UGT2A3: variants seen among roughly 807,000 people sequenced by gnomAD.
The protein encoded by UGT2A3 is UDP-glucuronosyltransferase 2A3.
UGT2A3 carries 55 observed loss-of-function variants against 44.1 expected under a neutral mutation model. The observed-to-expected ratio is 1.25, with a 90% CI of 1.00 to 1.56. The LOEUF (loss-of-function observed/expected upper bound fraction) is 1.56, where lower values mean the gene tolerates loss of function less well. UGT2A3 is among the 40% of genes most tolerant of loss of function. UGT2A3 has a pLI of 0.00. For missense variants in UGT2A3, 733 were observed against 621.6 expected (o/e 1.18, Z -1.91); for synonymous variants, 243 against 215.1 (o/e 1.13, Z -1.13).
At chr4:68,937,778 T>C (rs1020252857) in intron 2 of UGT2A3, among the ~76,000 whole-genome samples, 16 of 152,054 alleles carry the variant, frequency 1.1e-4, no homozygotes, top group African/African-American at 3.9e-4. Context: ...CAGGAGCTGG[T>C]TGTTTGAAAA....
At chr4:68,948,168 T>C (rs978202999) in intron 1 of UGT2A3, among the ~76,000 whole-genome samples, 17 of 151,854 alleles carry the variant, frequency 1.1e-4, no homozygotes, top group African/African-American at 3.9e-4. Flanking sequence ...ATTTGTTTAC[T>C]GTAGCCACAT....
rs766368471 is a variant in UGT2A3 at position 68,929,898 on chromosome 4, G to T, written c.1499C>A (p.Ala500Glu). 1 of 1,613,034 alleles carries T rather than the reference G, an allele frequency of 6.2e-7. No homozygotes were observed. The highest frequency in any genetic ancestry group is 1.1e-5 in the South Asian group (1 of 90,996). The stretch of plus-strand genomic sequence containing the variant: ...TTTTGTGAACAAGAATATAGCAGTT[G>T]CCACACAGGCCAGCAGGAACCCAAT... ...DVIGFLLACV[A>E]TAIFLFTKCF... The change falls in exon 6 of 6, where the codon GCA becomes GAA. Residue 500 changes from alanine to glutamate, a missense_variant. Coordinates refer to ENST00000251566, the MANE Select transcript of UGT2A3 (RefSeq NM_024743.4).
chr4:68,951,443 T>C lies in UGT2A3; in HGVS notation c.318A>G (p.Ser106=). 2 of 1,612,096 alleles carry C rather than the reference T, an allele frequency of 1.2e-6. No individual in the cohort carries two copies. Among genetic ancestry groups the C allele is most frequent in the Non-Finnish European group, 1.7e-6 (2 of 1,179,126 alleles). Residue 106 remains serine (S), a synonymous_variant, in exon 1 of 6, where the codon TCA becomes TCG. Transcript: ENST00000251566. Reference sequence around the variant, plus strand: ...CAAAAAAATCATTTAATTTTATAACTGATTGCCAGGTTGATAAGCCTGGCA... The same window carrying C: ...CAAAAAAATCATTTAATTTTATAACCGATTGCCAGGTTGATAAGCCTGGCA... ...NVLPGLSTWQ[S]VIKLNDFFVE... is the part of the protein sequence containing the mutation.
intron 4 of UGT2A3, 84 bp from the exon 5 acceptor site, chr4:68,930,849 G>A (rs2109775678): frequency 1.8e-5 from 21 of 1,191,594 alleles, no homozygotes; most frequent in East Asian, 2.6e-5. Context: ...TGGGAATTAC[G>A]AGATAACTCA....
rs891196939 is a variant in UGT2A3, at chr4:68,929,701, T to A, written c.*112A>T. On this transcript the variant is annotated 3_prime_UTR_variant, in exon 6 of 6. Coordinates refer to ENST00000251566, the MANE Select transcript of UGT2A3 (RefSeq NM_024743.4). Reference sequence around the variant, plus strand: ...ATCGTGGAATTCTAGGCTATATAGCTAAGATAAAATAACAGAATAGATAAT... The same window carrying A: ...ATCGTGGAATTCTAGGCTATATAGCAAAGATAAAATAACAGAATAGATAAT... The A allele has an allele frequency of 1.7e-5, 17 of 1,021,480 alleles. No individual in the cohort carries two copies. In the African/African-American group the frequency reaches 2.4e-4, roughly 14 times the overall value. The allele number at this position is 1,021,480 out of a possible 1,614,324, so 63.3% of individuals were successfully genotyped here.
At position 68,931,247 on chromosome 4, in the gene UGT2A3, G is replaced by A. The variant is rs558483840; in HGVS notation, c.997-5C>T. The A allele has an allele frequency of 3.5e-5, 56 of 1,608,686 alleles. No individual in the cohort carries two copies. In the South Asian group the frequency reaches 4.0e-4, roughly 11 times the overall value. Reference sequence around the variant, plus strand: ...TCCTTTGTACCTCCATAACACCTACGGAAGAAACACATGTATTTCACAGAG... The same window carrying A: ...TCCTTTGTACCTCCATAACACCTACAGAAGAAACACATGTATTTCACAGAG... On this transcript the variant is annotated splice_polypyrimidine_tract_variant and splice_region_variant and intron_variant, in intron 3 of 5. Coordinates refer to ENST00000251566, the MANE Select transcript of UGT2A3 (RefSeq NM_024743.4).
chr4:68,951,450 C>T lies in UGT2A3; in HGVS notation c.311G>A (p.Trp104Ter). The T allele has an allele frequency of 6.2e-7, 1 of 1,612,160 alleles. No homozygotes were observed. Among genetic ancestry groups the T allele is most frequent in the Non-Finnish European group, 8.5e-7 (1 of 1,179,132 alleles). Reference protein sequence around the residue: ...ALNVLPGLSTWQSVIKLNDFF... With the variant: ...ALNVLPGLST Reference sequence around the variant, plus strand: ...ATCATTTAATTTTATAACTGATTGCCAGGTTGATAAGCCTGGCAAGACATT... The same window carrying T: ...ATCATTTAATTTTATAACTGATTGCTAGGTTGATAAGCCTGGCAAGACATT... Residue 104 changes from tryptophan to a stop codon, truncating the protein, a stop_gained, in exon 1 of 6, where the codon TGG (tryptophan) becomes TAG (stop). Transcript: ENST00000251566. LOFTEE classifies it high-confidence loss of function.
chr4:68,931,184 T>G lies in UGT2A3; in HGVS notation c.1055A>C (p.Tyr352Ser), dbSNP rs745317989. The change falls in exon 4 of 6, where the codon TAT becomes TCT. Residue 352 changes from tyrosine (Y) to serine (S), a missense_variant. Tyr to Ser is a moderately radical substitution (Grantham distance 144). Coordinates refer to ENST00000251566, the MANE Select transcript of UGT2A3 (RefSeq NM_024743.4). ...PSTLGANTRLYDWIPQNDLLG... is the reference protein window; with the variant it reads ...PSTLGANTRLSDWIPQNDLLG... ...AAGATCATTCTGGGGTATCCAATCA[T>G]ACAGCCGAGTATTGGCTCCTAATGT... is the stretch of plus-strand genomic sequence containing the variant. The G allele has an allele frequency of 6.2e-7, 1 of 1,612,964 alleles. No homozygotes were observed. The highest frequency in any genetic ancestry group is 1.7e-5 in the Admixed American group (1 of 59,868).
At chr4:68,940,802 A>G (rs899976182) in intron 2 of UGT2A3, among the ~76,000 whole-genome samples, 3 of 93,076 alleles carry the variant, frequency 3.2e-5, no homozygotes, top group African/African-American at 9.4e-5. Flanking sequence ...ACACACACAC[A>G]TATATAGCAT....
intron 2 of UGT2A3, among the ~76,000 whole-genome samples, chr4:68,938,583 C>T (rs6811818): frequency 0.49 from 73,981 of 151,852 alleles, 21,351 homozygotes; most frequent in Non-Finnish European, 0.67. Context: ...ATGACAAACC[C>T]ATAGCCAATA....
At chr4:68,944,549 A>T (rs943202376) in intron 2 of UGT2A3, among the ~76,000 whole-genome samples, 1 of 151,826 alleles carries the variant, frequency 6.6e-6, no homozygotes, top group Non-Finnish European at 1.5e-5. Context: ...ATGATTTAGG[A>T]ATATAGTATA....
intron 2 of UGT2A3, among the ~76,000 whole-genome samples, chr4:68,936,408 A>G (rs1184579421): frequency 1.3e-5 from 2 of 152,130 alleles, no homozygotes; most frequent in Non-Finnish European, 2.9e-5. Context: ...GCCAATATTC[A>G]ACATTCTTAA....
intron 3 of UGT2A3, 88 bp downstream of exon 3, chr4:68,932,540 A>C: frequency 2.7e-6 from 4 of 1,484,922 alleles, no homozygotes; most frequent in Non-Finnish European, 3.6e-6. Context: ...CTGTTATGCT[A>C]AGTGGAAAAT....
intron 2 of UGT2A3, among the ~76,000 whole-genome samples, chr4:68,935,665 T>C (rs1254124091): frequency 6.6e-6 from 1 of 151,966 alleles, no homozygotes; most frequent in Non-Finnish European, 1.5e-5. Flanking sequence ...CTCCAAAGGA[T>C]TGCAGCTCCT....
chr4:68,941,624 A>C (rs1389526837), intron 2 of UGT2A3, among the ~76,000 whole-genome samples: 2 of 151,942 alleles, frequency 1.3e-5, no homozygotes, highest in African/African-American at 2.4e-5. Context: ...CAACAAAAGG[A>C]AAAGTAGATA....
At position 68,930,060 on chromosome 4, in the gene UGT2A3, A is replaced by T; in HGVS notation, c.1337T>A (p.Ile446Asn). Residue 446 changes from isoleucine to asparagine, a missense_variant, in exon 6 of 6, where the codon ATT becomes AAT. Ile to Asn is a moderately radical substitution (Grantham distance 149). Coordinates refer to ENST00000251566, the MANE Select transcript of UGT2A3 (RefSeq NM_024743.4). The part of the protein sequence containing the change: ...YKENAMRLSR[I>N]HHDQPVKPLD... ...GGGCTTTACAGGTTGATCATGGTGA[A>T]TTCTTGATAATCTCATAGCATTCTC... The T allele has an allele frequency of 6.2e-7, 1 of 1,612,820 alleles. No homozygotes were observed. The highest frequency in any genetic ancestry group is 8.5e-7 in the Non-Finnish European group (1 of 1,179,372).
intron 3 of UGT2A3, among the ~76,000 whole-genome samples, chr4:68,932,269 G>T (rs1717764560): frequency 1.3e-5 from 2 of 150,692 alleles, no homozygotes; most frequent in African/African-American, 2.4e-5. Flanking sequence ...TCTTGAGATT[G>T]ATTCTTCTTT....
chr4:68,941,658 G>A (rs745981403), intron 2 of UGT2A3, among the ~76,000 whole-genome samples: 17 of 151,894 alleles, frequency 1.1e-4, no homozygotes, highest in Non-Finnish European at 2.9e-5. Context: ...AAAGCATTGA[G>A]CTTGTGCAGA....
intron 3 of UGT2A3, among the ~76,000 whole-genome samples, chr4:68,932,147 T>C (rs1444631560): frequency 6.6e-6 from 1 of 151,902 alleles, no homozygotes; most frequent in Non-Finnish European, 1.5e-5. Flanking sequence ...GTAATTGACA[T>C]TTTACTTTTG....
Sources: gnomAD v4.1 joint callset for allele counts (sites outside exome capture counted in the v4.1 genomes callset) on GRCh38, gnomAD v4.1.1 for gene constraint, MANE v1.5 for transcripts, NCBI Gene and HGNC (gene_info 2026-07-23, HGNC 2026-07-21) for gene names.